The following MIR2052HG variants were observed in gnomAD, a reference collection of about 807,000 sequenced individuals.
MIR2052HG encodes MIR2052 host gene.
chr8:74,738,764 G>A (rs1809797435), intron 4 of MIR2052HG, among the ~76,000 whole-genome samples: 1 of 152,094 alleles, frequency 6.6e-6, no homozygotes, highest in African/African-American at 2.4e-5. Context: ...TGAGAAAGAG[G>A]GATCATTGAT....
At chr8:74,631,123 A>G (rs1031052243) in intron 2 of MIR2052HG, among the ~76,000 whole-genome samples, 1 of 152,216 alleles carries the variant, frequency 6.6e-6, no homozygotes, top group Non-Finnish European at 1.5e-5. Flanking sequence ...TAGAGCAATT[A>G]TCATGTAAGG....
At chr8:74,641,696 A>G (rs575312547) in intron 2 of MIR2052HG, among the ~76,000 whole-genome samples, 48 of 152,200 alleles carry the variant, frequency 3.2e-4, no homozygotes, top group African/African-American at 1.1e-3. Context: ...GATGTAATAC[A>G]TTTGTGTTTG....
intron 2 of MIR2052HG, among the ~76,000 whole-genome samples, chr8:74,689,651 C>G (rs1809219154): frequency 6.6e-6 from 1 of 152,132 alleles, no homozygotes; most frequent in African/African-American, 2.4e-5. Flanking sequence ...CATTAAAAGT[C>G]TATAACATGG....
intron 4 of MIR2052HG, among the ~76,000 whole-genome samples, chr8:74,706,911 A>G (rs1442170128): frequency 6.6e-6 from 1 of 152,066 alleles, no homozygotes; most frequent in East Asian, 1.9e-4. Flanking sequence ...CGTGAAGTGG[A>G]TGCACACGGG....
chr8:74,653,267 T>C (rs1808771459), intron 2 of MIR2052HG, among the ~76,000 whole-genome samples: 1 of 152,204 alleles, frequency 6.6e-6, no homozygotes, highest in African/African-American at 2.4e-5. Flanking sequence ...CTTTCTGATG[T>C]TTATTTTGCC....
intron 2 of MIR2052HG, among the ~76,000 whole-genome samples, chr8:74,677,628 T>C (rs1809069123): frequency 6.6e-6 from 1 of 152,092 alleles, no homozygotes; most frequent in African/African-American, 2.4e-5. Flanking sequence ...TATAAGGTAC[T>C]ATGAAGAACT....
At chr8:74,684,195 T>C (rs1433296467) in intron 2 of MIR2052HG, among the ~76,000 whole-genome samples, 1 of 152,070 alleles carries the variant, frequency 6.6e-6, no homozygotes, top group Non-Finnish European at 1.5e-5. Context: ...TCAAACTCAG[T>C]GGCTTACAAT....
chr8:74,692,104 A>C (rs778823892), intron 2 of MIR2052HG, among the ~76,000 whole-genome samples: 15 of 152,134 alleles, frequency 9.9e-5, no homozygotes, highest in Non-Finnish European at 1.9e-4. Flanking sequence ...TTCTTTTGAT[A>C]CAGAGTCTCA....
At chr8:74,626,828 T>G (rs954461078) in intron 2 of MIR2052HG, among the ~76,000 whole-genome samples, 8 of 152,242 alleles carry the variant, frequency 5.3e-5, no homozygotes, top group African/African-American at 1.9e-4. Context: ...TTGTCTACAC[T>G]GCAGCCAGAC....
intron 2 of MIR2052HG, among the ~76,000 whole-genome samples, chr8:74,653,000 A>G (rs561845358): frequency 2.0e-4 from 30 of 152,312 alleles, no homozygotes; most frequent in Middle Eastern, 6.8e-3. Context: ...AGAATTCACA[A>G]TTCATAGTGA....
chr8:74,714,792 C>T (rs1419240127), intron 4 of MIR2052HG, among the ~76,000 whole-genome samples: 2 of 151,104 alleles, frequency 1.3e-5, no homozygotes, highest in Non-Finnish European at 2.9e-5. Flanking sequence ...GCAACCTCTC[C>T]CTCCTGGGTT....
chr8:74,685,796 CTT>C (rs1809174758), intron 2 of MIR2052HG, among the ~76,000 whole-genome samples: 1 of 152,020 alleles, frequency 6.6e-6, no homozygotes, highest in Non-Finnish European at 1.5e-5. Context: ...GTCAAACAAA[CTT>C]TGTAACCATT....
At position 74,748,995 on chromosome 8, in the gene MIR2052HG, T is replaced by C. The variant is rs147983933; in HGVS notation, n.372-3446T>C. ...CTGTTAATTGTGAAACCTGGGAAGA[T>C]AATTTTTAAAACTTTGCATGCCTCT... On this transcript the variant is annotated intron_variant and non_coding_transcript_variant, in intron 4 of 6. Coordinates refer to ENST00000523442, the Ensembl canonical transcript of MIR2052HG. Among the ~76,000 whole-genome samples the C allele has an allele frequency of 9.1e-3, 1,380 of 152,318 alleles. 8 individuals are homozygous for C. The highest frequency in any genetic ancestry group is 0.014 in the Non-Finnish European group (985 of 68,016).
intron 4 of MIR2052HG, among the ~76,000 whole-genome samples, chr8:74,719,235 AC>A (rs1809550313): frequency 1.3e-5 from 2 of 152,256 alleles, no homozygotes; most frequent in Non-Finnish European, 2.9e-5. Flanking sequence ...TGGGACAATG[AC>A]CCACAAATTA....
intron 1 of MIR2052HG, among the ~76,000 whole-genome samples, chr8:74,604,583 CTTTTTTTTTTT>C (rs35641908): frequency 4.0e-5 from 2 of 50,036 alleles, no homozygotes; most frequent in African/African-American, 9.0e-5. Context: ...TGTTTCTTTA[CTTTTTTTTTTT>C]TTTTTTTTTT....
At chr8:74,661,253 G>A (rs1016539660) in intron 2 of MIR2052HG, among the ~76,000 whole-genome samples, 1 of 148,604 alleles carries the variant, frequency 6.7e-6, no homozygotes, top group Admixed American at 6.8e-5. Context: ...CCAGGCTGGT[G>A]TGCTTATGGT....
At chr8:74,647,562 T>G (rs993848979) in intron 2 of MIR2052HG, among the ~76,000 whole-genome samples, 2 of 152,222 alleles carry the variant, frequency 1.3e-5, no homozygotes, top group Non-Finnish European at 2.9e-5. Flanking sequence ...TTTTAAGCAT[T>G]TAGTCCTAAG....
chr8:74,628,566 T>C (rs963501651), intron 2 of MIR2052HG, among the ~76,000 whole-genome samples: 2 of 152,068 alleles, frequency 1.3e-5, no homozygotes, highest in African/African-American at 2.4e-5. Flanking sequence ...AACCGGAAAA[T>C]TGGGCATTTT....
chr8:74,659,618 G>T (rs572075279), intron 2 of MIR2052HG, among the ~76,000 whole-genome samples: 8 of 152,144 alleles, frequency 5.3e-5, no homozygotes, highest in Admixed American at 4.6e-4. Context: ...CTTTTAGAAA[G>T]AATGTCTCGT....
Sources: allele counts gnomAD v4.1 joint callset (sites outside exome capture counted in the v4.1 genomes callset), GRCh38; gene constraint gnomAD v4.1.1; transcripts MANE v1.5; gene names NCBI Gene and HGNC (gene_info 2026-07-23, HGNC 2026-07-21).